Variants in NUP153 observed in about 807,000 individuals in gnomAD.
NUP153 encodes nucleoporin 153.
Under a neutral mutation model 134.6 loss-of-function variants are expected in NUP153, and 27 were observed. The observed-to-expected ratio is 0.20, with a 90% CI of 0.15 to 0.28. NUP153 has a LOEUF of 0.28. Among genes scored for constraint, NUP153 ranks in the 10% least tolerant of loss-of-function variants. The probability of loss-of-function intolerance (pLI) is 1.00; values close to 1 mark genes in which losing one functional copy is unlikely to be tolerated. For missense variants in NUP153, 1,821 were observed against 1,731.3 expected (o/e 1.05, Z -0.92); for synonymous variants, 640 against 623.5 (o/e 1.03, Z -0.40).
chr6:17,676,710 G>A (rs895716459), intron 2 of NUP153, among the ~76,000 whole-genome samples: 1 of 152,082 alleles, frequency 6.6e-6, no homozygotes, highest in African/African-American at 2.4e-5. Flanking sequence ...CTCACAAGGT[G>A]AGCCCTACGA....
In NUP153 at chr6:17,667,676, T is replaced by C. The variant is rs190408798; in HGVS notation, c.1068+1299A>G. Among the ~76,000 whole-genome samples the C allele has an allele frequency of 3.1e-4, 47 of 152,050 alleles. No individual in the cohort carries two copies. In the East Asian group the frequency reaches 8.2e-3, roughly 26 times the overall value. On this transcript the variant is annotated intron_variant, in intron 8 of 21. Transcript: ENST00000262077. Reference sequence around the variant, plus strand: ...TTGCAGTGAGCTGCGACTGTGCCACTGCACACTCCAGCCTGGGTGACAGAG... The same window carrying C: ...TTGCAGTGAGCTGCGACTGTGCCACCGCACACTCCAGCCTGGGTGACAGAG...
At chr6:17,629,571 C>T in intron 17 of NUP153, 32 bp from the exon 18 acceptor site, 1 of 1,535,778 alleles carries the variant, frequency 6.5e-7, no homozygotes, top group Non-Finnish European at 8.7e-7. Context: ...CACATAGACA[C>T]TCAATGTACT....
intron 8 of NUP153, among the ~76,000 whole-genome samples, chr6:17,667,408 G>GA (rs1767598236): frequency 6.6e-6 from 1 of 152,150 alleles, no homozygotes; most frequent in South Asian, 2.1e-4. Flanking sequence ...GGTATTCCAA[G>GA]AAATGTTTTC....
At position 17,637,364 on chromosome 6, in the gene NUP153, T is replaced by A. The variant is rs1039686120; in HGVS notation, c.2253A>T (p.Gly751=). The A allele has an allele frequency of 3.1e-6, 5 of 1,614,196 alleles. No individual in the cohort carries two copies. The African/African-American group carries it at 6.7e-5, about 22-fold the overall frequency. The change falls in exon 16 of 22, where the codon GGA becomes GGT. Residue 751 remains glycine (G), a synonymous_variant. Coordinates refer to ENST00000262077, the MANE Select transcript of NUP153 (RefSeq NM_005124.4). ...KCVACETPKP[G]TCVKRALTLT... Reference sequence around the variant, plus strand: ...ATGTAAGGGCTCGCTTCACACAAGTTCCAGGTTTCGGTGTTTCACAGGCTA... The same window carrying A: ...ATGTAAGGGCTCGCTTCACACAAGTACCAGGTTTCGGTGTTTCACAGGCTA...
Position 17,638,305 on chromosome 6 carries a change from C to A in NUP153, c.1847-535G>T, listed in dbSNP as rs998917962. The stretch of plus-strand genomic sequence containing the variant: ...CTGTCATTGAGTTCATTCACTCAAG[C>A]TGTATTTTACTCATGAGAATGACTT... On this transcript the variant is annotated intron_variant, in intron 15 of 21. Transcript: ENST00000262077. This position sits in a 1 kb window ranked among gnomAD's most constrained non-coding sequence, Gnocchi z 4.0. 2.0e-5 allele frequency among the ~76,000 whole-genome samples: 3 copies of A among 152,202 alleles called. No homozygotes were observed. The highest frequency in any genetic ancestry group is 4.4e-5 in the Non-Finnish European group (3 of 68,048).
At chr6:17,703,606 G>GT (rs1372958528) in intron 1 of NUP153, among the ~76,000 whole-genome samples, 5 of 150,612 alleles carry the variant, frequency 3.3e-5, no homozygotes, top group Non-Finnish European at 5.9e-5. Flanking sequence ...TAGACCCTAT[G>GT]TCCACCAAAG....
In NUP153 at chr6:17,632,723, C is replaced by T; in HGVS notation, c.2586G>A (p.Val862=). Residue 862 remains valine (V), a synonymous_variant, in exon 17 of 22, where the codon GTG becomes GTA. Coordinates refer to ENST00000262077, the MANE Select transcript of NUP153 (RefSeq NM_005124.4). ...EGSWDCELCL[V]QNKADSTKCL... ...ATTTGGTAGAGTCTGCCTTATTCTG[C>T]ACTAGGCACAATTCACAGTCCCAGC... The T allele has an allele frequency of 1.2e-6, 2 of 1,613,830 alleles. No individual in the cohort carries two copies. Among genetic ancestry groups the T allele is most frequent in the Admixed American group, 1.7e-5 (1 of 59,974 alleles).
At chr6:17,640,444 TA>T (rs1765779731) in intron 14 of NUP153, among the ~76,000 whole-genome samples, 1 of 152,200 alleles carries the variant, frequency 6.6e-6, no homozygotes, top group South Asian at 2.1e-4. Flanking sequence ...TCAAAAAAAG[TA>T]ATTTTCAACT....
Position 17,678,352 on chromosome 6 carries a change from C to CAAAAAAAAAAAAAAAA in NUP153, c.335-2598_335-2583dup, listed in dbSNP as rs11428582. Among the ~76,000 whole-genome samples the CAAAAAAAAAAAAAAAA allele has an allele frequency of 2.1e-3, 140 of 68,214 alleles. 10 individuals are homozygous for CAAAAAAAAAAAAAAAA. The highest frequency in any genetic ancestry group is 8.2e-3 in the African/African-American group (128 of 15,702). The allele number at this position is 68,214 out of a possible 152,430, so 44.8% of individuals were successfully genotyped here. On this transcript the variant is annotated intron_variant, in intron 2 of 21. Coordinates refer to ENST00000262077, the MANE Select transcript of NUP153 (RefSeq NM_005124.4). ...GCCTGGTTGACAGAACCCTCTGTCT[C>CAAAAAAAAAAAAAAAA]AAAAAAAAAAAAAAAAAAAAAAAGA...
At chr6:17,641,789 T>G (rs367827387) in intron 14 of NUP153, among the ~76,000 whole-genome samples, 17 of 151,564 alleles carry the variant, frequency 1.1e-4, no homozygotes, top group Admixed American at 3.3e-4. Context: ...GAGGTGGAGC[T>G]TGCAGTGAAA....
chr6:17,688,713 T>C (rs559624479), intron 1 of NUP153, 95 bp from the exon 2 acceptor site: 35 of 924,528 alleles, frequency 3.8e-5, no homozygotes, highest in Admixed American at 7.0e-5. Context: ...CAAAACACAA[T>C]GGTGTCCAAC....
In NUP153 at chr6:17,688,622, T is replaced by C. The variant is rs765519892; in HGVS notation, c.112-4A>G. The C allele has an allele frequency of 1.2e-6, 2 of 1,600,022 alleles. No individual in the cohort carries two copies. The highest frequency in any genetic ancestry group is 8.5e-7 in the Non-Finnish European group (1 of 1,169,652). ...CTGTAACCCTGCTAAGAATGCCCTGTTGAGAGAAAAAACATATTATGACAG... is the reference window on the plus strand; with the variant it reads ...CTGTAACCCTGCTAAGAATGCCCTGCTGAGAGAAAAAACATATTATGACAG... On this transcript the variant is annotated splice_region_variant and splice_polypyrimidine_tract_variant and intron_variant, in intron 1 of 21. Transcript: ENST00000262077.
intron 18 of NUP153, 80 bp from the exon 19 acceptor site, chr6:17,626,244 T>C (rs12216500): frequency 0.011 from 11,545 of 1,041,840 alleles, 84 homozygotes; most frequent in Non-Finnish European, 0.013. Context: ...CTACAATTGC[T>C]AGAATTTTCC....
At chr6:17,692,127 T>G (rs1037942499) in intron 1 of NUP153, among the ~76,000 whole-genome samples, 1 of 152,212 alleles carries the variant, frequency 6.6e-6, no homozygotes, top group Admixed American at 6.5e-5. Flanking sequence ...AGATCCCTCA[T>G]GTGGCAACAT....
At position 17,706,606 on chromosome 6, in the gene NUP153, G is replaced by C. The variant is rs1463461592; in HGVS notation, c.-219C>G. Reference sequence around the variant, plus strand: ...CGGGGAAGGGGGTGGCGGCCGCAGAGGCCGAGGAGGCTCCGGTCCGGCCGC... The same window carrying C: ...CGGGGAAGGGGGTGGCGGCCGCAGACGCCGAGGAGGCTCCGGTCCGGCCGC... On this transcript the variant is annotated 5_prime_UTR_variant, in exon 1 of 22. Transcript: ENST00000262077. This position sits in a 1 kb window ranked among gnomAD's most constrained non-coding sequence, Gnocchi z 5.9. 1.6e-5 allele frequency: 9 copies of C among 575,256 alleles called. No individual in the cohort carries two copies. The highest frequency in any genetic ancestry group is 2.8e-5 in the Non-Finnish European group (9 of 326,452). The allele number at this position is 575,256 out of a possible 1,614,324, so 35.6% of individuals were successfully genotyped here. A position where few individuals can be genotyped will look rare whatever the true frequency, so the allele number is the denominator to read the frequency against.
intron 11 of NUP153, among the ~76,000 whole-genome samples, chr6:17,660,447 A>C (rs1215733007): frequency 6.6e-6 from 1 of 152,174 alleles, no homozygotes; most frequent in Admixed American, 6.5e-5. Context: ...AAAAAGAGCA[A>C]TATATAGACA....
intron 6 of NUP153, 30 bp from the exon 7 acceptor site, chr6:17,669,367 A>C: frequency 6.2e-7 from 1 of 1,601,264 alleles, no homozygotes; most frequent in Non-Finnish European, 8.6e-7. Context: ...AACAAAATTA[A>C]GATTTTTCAA....
chr6:17,652,782 G>T (rs1042246691), intron 11 of NUP153, among the ~76,000 whole-genome samples: 1 of 152,196 alleles, frequency 6.6e-6, no homozygotes, highest in African/African-American at 2.4e-5. Context: ...CCAGCACTCT[G>T]GGAGGCCAAG....
rs71002249 is a variant in NUP153 at position 17,701,844 on chromosome 6, GAAAA to G, written c.111+4429_111+4432del. On this transcript the variant is annotated intron_variant, in intron 1 of 21. Coordinates refer to ENST00000262077, the MANE Select transcript of NUP153 (RefSeq NM_005124.4). The stretch of plus-strand genomic sequence containing the variant: ...CAAGACTCTGTCTCGGGGGGGGGGG[GAAAA>G]AAGCTAAATGCAGGAACTGACTTGT... 8.3e-4 allele frequency among the ~76,000 whole-genome samples: 68 copies of G among 81,698 alleles called. 5 individuals are homozygous for G. The highest frequency in any genetic ancestry group is 1.2e-3 in the African/African-American group (28 of 23,178). 53.6% of individuals were successfully genotyped at this position (81,698 alleles called of 152,430 possible). A position where few individuals can be genotyped will look rare whatever the true frequency, so the allele number is the denominator to read the frequency against.
Sources: gnomAD v4.1 joint callset for allele counts (sites outside exome capture counted in the v4.1 genomes callset) on GRCh38, gnomAD v4.1.1 for gene constraint, Gnocchi (gnomAD v3.1) non-coding constraint, MANE v1.5 for transcripts, NCBI Gene and HGNC (gene_info 2026-07-23, HGNC 2026-07-21) for gene names.